ANKH: variants seen among roughly 807,000 people sequenced by gnomAD.
ANKH encodes the protein ANKH inorganic pyrophosphate transport regulator.
ANKH carries 15 observed loss-of-function variants against 49.0 expected under a neutral mutation model. The observed-to-expected ratio is 0.31, with a 90% CI of 0.20 to 0.47. The LOEUF is 0.47. ANKH is among the 20% of genes least tolerant of loss of function. ANKH has a pLI of 1.00. For synonymous variants in ANKH, 273 were observed against 260.0 expected, an observed-to-expected ratio of 1.05 and a Z score of -0.48; for missense variants, 429 against 652.0, an observed-to-expected ratio of 0.66 and a Z score of 3.72.
chr5:14,821,282 C>A (rs1013518643), intron 1 of ANKH, among the ~76,000 whole-genome samples: 2 of 152,170 alleles, frequency 1.3e-5, no homozygotes, highest in African/African-American at 4.8e-5. Flanking sequence ...CCAATCAACA[C>A]TAATAAACCC....
In ANKH at chr5:14,711,167, G is replaced by A. The variant is rs772604835; in HGVS notation, c.*30C>T. 8 of 1,534,094 alleles carry A rather than the reference G, an allele frequency of 5.2e-6. No homozygotes were observed. The highest frequency in any genetic ancestry group is 1.4e-5 in the African/African-American group (1 of 73,326). On this transcript the variant is annotated 3_prime_UTR_variant, in exon 12 of 12. Transcript: ENST00000284268. The stretch of plus-strand genomic sequence containing the variant: ...TGCCGAAGTGTCATCCTGACTGACT[G>A]TCCCTGCAGTGCCCATGGCGTCCCG...
At chr5:14,823,099 T>C (rs1476178072) in intron 1 of ANKH, among the ~76,000 whole-genome samples, 1 of 152,170 alleles carries the variant, frequency 6.6e-6, no homozygotes, top group Non-Finnish European at 1.5e-5. Context: ...AATACACTAT[T>C]ATGTAATTTT....
At position 14,710,078 on chromosome 5, in the gene ANKH, A is replaced by G. The variant is rs912962154; in HGVS notation, c.*1119T>C. 3.9e-5 allele frequency: 6 copies of G among 152,298 alleles called. No homozygotes were observed. In the East Asian group the frequency reaches 5.8e-4, roughly 15 times the overall value. The allele number at this position is 152,298 out of a possible 1,614,324, so 9.4% of individuals were successfully genotyped here. On this transcript the variant is annotated 3_prime_UTR_variant, in exon 12 of 12. Coordinates refer to ENST00000284268, the MANE Select transcript of ANKH (RefSeq NM_054027.6). ...TGCGTTATTTCAGGGAGGACCACATAGTGACTCTGGTATCGTTATAAAATG... is the reference window on the plus strand; with the variant it reads ...TGCGTTATTTCAGGGAGGACCACATGGTGACTCTGGTATCGTTATAAAATG...
chr5:14,727,338 C>CT (rs1264219947), intron 8 of ANKH, among the ~76,000 whole-genome samples: 1 of 152,056 alleles, frequency 6.6e-6, no homozygotes, highest in Admixed American at 6.6e-5. Context: ...AAAATCAACA[C>CT]TTTCAGATAT....
rs1742214295 is a variant in ANKH, at chr5:14,854,939, A to C, written c.96+16413T>G. Among the ~76,000 whole-genome samples the C allele has an allele frequency of 2.0e-5, 3 of 152,050 alleles. No homozygotes were observed. In the South Asian group the frequency reaches 6.2e-4, roughly 32 times the overall value. On this transcript the variant is annotated intron_variant, in intron 1 of 11. Coordinates refer to ENST00000284268, the MANE Select transcript of ANKH (RefSeq NM_054027.6). ...TATTTTGAAACCAAATTATCTTTCA[A>C]ATCTGAGCACACCACACCCTACTAA...
chr5:14,793,037 A>T (rs7726097), intron 1 of ANKH, among the ~76,000 whole-genome samples: 9,990 of 49,638 alleles, frequency 0.2, 497 homozygotes, highest in Non-Finnish European at 0.23. Flanking sequence ...TATATATAAA[A>T]ATATATATAT....
intron 1 of ANKH, among the ~76,000 whole-genome samples, chr5:14,852,970 G>A (rs1189334358): frequency 6.6e-6 from 1 of 152,008 alleles, no homozygotes; most frequent in Non-Finnish European, 1.5e-5. Flanking sequence ...CCGCCAAACC[G>A]TGTCAAGGTA....
chr5:14,783,731 T>C (rs756421540), intron 1 of ANKH, among the ~76,000 whole-genome samples: 7 of 152,208 alleles, frequency 4.6e-5, no homozygotes, highest in Non-Finnish European at 1.0e-4. Flanking sequence ...GACATGATAA[T>C]GTAATAAGCT....
chr5:14,821,342 T>C (rs1561070819), intron 1 of ANKH, among the ~76,000 whole-genome samples: 1 of 152,216 alleles, frequency 6.6e-6, no homozygotes, highest in East Asian at 1.9e-4. Context: ...ACAACAACCG[T>C]TTAAATTGGC....
intron 1 of ANKH, chr5:14,825,970 T>C (rs1741328715): frequency 6.5e-6 from 1 of 153,002 alleles, no homozygotes; most frequent in African/African-American, 2.4e-5. Context: ...ACTAACTAAA[T>C]ACAATCTATG....
intron 2 of ANKH, among the ~76,000 whole-genome samples, chr5:14,764,410 G>A (rs947163699): frequency 2.0e-5 from 3 of 152,168 alleles, no homozygotes; most frequent in African/African-American, 7.2e-5. Context: ...GAGACTATGT[G>A]GAGGAGAGTT....
chr5:14,717,123 C>G (rs887879338), intron 8 of ANKH: 3 of 408,732 alleles, frequency 7.3e-6, no homozygotes, highest in South Asian at 6.2e-5. Flanking sequence ...CAGACCCGTT[C>G]AGAACCAGTG....
intron 1 of ANKH, among the ~76,000 whole-genome samples, chr5:14,845,820 G>A (rs1448559165): frequency 6.8e-6 from 1 of 147,464 alleles, no homozygotes; most frequent in Admixed American, 6.8e-5. Flanking sequence ...CTGCAAACTG[G>A]TCAGAGAAAA....
intron 1 of ANKH, among the ~76,000 whole-genome samples, chr5:14,855,144 A>C (rs940264303): frequency 6.6e-6 from 1 of 152,142 alleles, no homozygotes; most frequent in Admixed American, 6.5e-5. Context: ...CTTGCTTTCC[A>C]GAATGGGGAC....
intron 2 of ANKH, among the ~76,000 whole-genome samples, chr5:14,761,994 T>G (rs982247160): frequency 6.6e-6 from 1 of 151,908 alleles, no homozygotes; most frequent in Non-Finnish European, 1.5e-5. Context: ...TGAACTCCTG[T>G]CCTCAGGTGA....
intron 8 of ANKH, among the ~76,000 whole-genome samples, chr5:14,738,688 G>A (rs1049683052): frequency 6.6e-6 from 1 of 151,930 alleles, no homozygotes; most frequent in African/African-American, 2.4e-5. Context: ...CAGCATTTTA[G>A]GAGGCCAGGA....
At chr5:14,743,472 G>C (rs1013362037) in intron 7 of ANKH, among the ~76,000 whole-genome samples, 1 of 152,238 alleles carries the variant, frequency 6.6e-6, no homozygotes. Flanking sequence ...CAGTTTGTTT[G>C]CCCAATTGGC....
chr5:14,751,688 T>G (rs1347375473), intron 4 of ANKH, among the ~76,000 whole-genome samples: 1 of 151,926 alleles, frequency 6.6e-6, no homozygotes, highest in East Asian at 1.9e-4. Flanking sequence ...TAGTAAAATT[T>G]GAAAAACAAA....
chr5:14,775,065 T>C (rs1739571526), intron 1 of ANKH, among the ~76,000 whole-genome samples: 1 of 151,482 alleles, frequency 6.6e-6, no homozygotes, highest in African/African-American at 2.4e-5. Flanking sequence ...CCCCTTTTTT[T>C]TCTTTTTTTG....
Sources: allele counts gnomAD v4.1 joint callset (sites outside exome capture counted in the v4.1 genomes callset), GRCh38; gene constraint gnomAD v4.1.1; transcripts MANE v1.5; gene names NCBI Gene and HGNC (gene_info 2026-07-23, HGNC 2026-07-21).